Variants in TBL1X observed in about 807,000 individuals in gnomAD.
The protein encoded by TBL1X is F-box-like/WD repeat-containing protein TBL1X.
In TBL1X, 10 loss-of-function variants were observed where a neutral mutation model predicts 50.7. The observed-to-expected ratio is 0.20, with a 90% CI of 0.12 to 0.33. TBL1X has a LOEUF of 0.33. Ranked by LOEUF, TBL1X falls within the 10% of genes least tolerant of loss-of-function variation. TBL1X has a pLI of 1.00. For synonymous variants in TBL1X, 190 were observed against 214.7 expected (o/e 0.88, Z 1.01); for missense variants, 340 against 504.4 (o/e 0.67, Z 3.12).
intron 2 of TBL1X, among the ~76,000 whole-genome samples, chrX:9,595,508 A>G (rs1013007044): frequency 8.9e-6 from 1 of 112,137 alleles, no homozygotes; most frequent in Non-Finnish European, 1.9e-5. Context: ...GAGGGTTCAC[A>G]TAATAAATAA....
chrX:9,485,848 C>G (rs1248497164), intron 1 of TBL1X, among the ~76,000 whole-genome samples: 3 of 112,030 alleles, frequency 2.7e-5, no homozygotes, highest in Non-Finnish European at 3.8e-5. Flanking sequence ...ATCTAACAAG[C>G]CTTGGAGCAG....
chrX:9,686,815 G>A (rs946723073), intron 6 of TBL1X, among the ~76,000 whole-genome samples: 11 of 112,632 alleles, frequency 9.8e-5, no homozygotes, highest in Admixed American at 9.4e-5. Flanking sequence ...ACATATGAAG[G>A]AGGAAGGGGG....
intron 1 of TBL1X, among the ~76,000 whole-genome samples, chrX:9,481,256 T>C (rs1020429071): frequency 7.1e-5 from 8 of 112,467 alleles, no homozygotes; most frequent in African/African-American, 2.6e-4. Flanking sequence ...TTACATGGAC[T>C]GAAGTAATGG....
intron 5 of TBL1X, among the ~76,000 whole-genome samples, chrX:9,682,845 C>T (rs1370410931): frequency 1.8e-5 from 2 of 111,980 alleles, no homozygotes; most frequent in African/African-American, 6.5e-5. Context: ...TTTCCGAACT[C>T]CCTGCTTCCT....
intron 1 of TBL1X, 149 bp from the exon 2 acceptor site, chrX:9,501,631 G>A (rs971673343): frequency 1.8e-5 from 2 of 111,601 alleles, no homozygotes; most frequent in Non-Finnish European, 1.9e-5. Context: ...GGAATGCCCT[G>A]GGCTGAGTCT....
At chrX:9,506,500 T>C (rs993777389) in intron 2 of TBL1X, among the ~76,000 whole-genome samples, 4 of 111,288 alleles carry the variant, frequency 3.6e-5, no homozygotes, top group South Asian at 3.8e-4. Flanking sequence ...CAAAAAATCA[T>C]TGAATCCAGG....
At chrX:9,572,135 C>T (rs1438418931) in intron 2 of TBL1X, among the ~76,000 whole-genome samples, 1 of 112,152 alleles carries the variant, frequency 8.9e-6, no homozygotes, top group African/African-American at 3.2e-5. Context: ...CACAGCTTTC[C>T]TCATGTGCCC....
intron 2 of TBL1X, among the ~76,000 whole-genome samples, chrX:9,513,990 G>T (rs929345416): frequency 7.3e-5 from 8 of 109,737 alleles, no homozygotes; most frequent in African/African-American, 2.7e-4. Flanking sequence ...AGTACCAGGG[G>T]GAGGGCACCA....
At chrX:9,535,365 G>T (rs2082182628) in intron 2 of TBL1X, among the ~76,000 whole-genome samples, 1 of 112,570 alleles carries the variant, frequency 8.9e-6, no homozygotes, top group Non-Finnish European at 1.9e-5. Flanking sequence ...TGAAGAGTGT[G>T]TGTGGCTTGC....
At chrX:9,705,257 C>A in intron 13 of TBL1X, 143 bp downstream of exon 13, 1 of 1,008,850 alleles carries the variant, frequency 9.9e-7, no homozygotes, top group Non-Finnish European at 1.4e-6. Context: ...TCATGGTTAC[C>A]CCATGGTAAC....
Position 9,621,220 on chromosome X carries a change from C to T in TBL1X, c.-130-19053C>T, listed in dbSNP as rs184177914. Among the ~76,000 whole-genome samples the T allele has an allele frequency of 6.0e-3, 666 of 111,380 alleles. 7 individuals carry two copies. The highest frequency in any genetic ancestry group is 0.021 in the African/African-American group (629 of 30,565). ...GGGCTGGAGACATCTGGGATGTAGA[C>T]CTGGAGACTAGATTCGTTCACTGGA... On this transcript the variant is annotated intron_variant, in intron 2 of 17. Transcript: ENST00000645353.
intron 2 of TBL1X, among the ~76,000 whole-genome samples, chrX:9,551,670 GT>G (rs2082271852): frequency 9.0e-6 from 1 of 111,544 alleles, no homozygotes; most frequent in Admixed American, 9.5e-5. Context: ...GCCCATGGGT[GT>G]TTGGGGAAAC....
intron 13 of TBL1X, among the ~76,000 whole-genome samples, chrX:9,707,605 A>G (rs1436452165): frequency 8.9e-6 from 1 of 112,275 alleles, no homozygotes; most frequent in Non-Finnish European, 1.9e-5. Context: ...CCAGGAAGTT[A>G]TTTGTTCCTT....
At chrX:9,660,270 C>G (rs887942196) in intron 5 of TBL1X, among the ~76,000 whole-genome samples, 34 of 112,582 alleles carry the variant, frequency 3.0e-4, no homozygotes, top group African/African-American at 1.1e-3. Flanking sequence ...AACAGGCAGA[C>G]AAGTTAATAA....
chrX:9,630,805 GCCT>G (rs2082717225), intron 2 of TBL1X, among the ~76,000 whole-genome samples: 2 of 111,202 alleles, frequency 1.8e-5, no homozygotes, highest in Non-Finnish European at 3.8e-5. Context: ...CGAACTCCTG[GCCT>G]CAATCAGTCC....
At chrX:9,621,189 G>A (rs1358475970) in intron 2 of TBL1X, among the ~76,000 whole-genome samples, 2 of 111,519 alleles carry the variant, frequency 1.8e-5, no homozygotes, top group Non-Finnish European at 3.8e-5. Flanking sequence ...GAGCTATGGA[G>A]GTTGGGGGCT....
chrX:9,650,748 ACACT>A (rs950266914), intron 3 of TBL1X, among the ~76,000 whole-genome samples: 1 of 111,834 alleles, frequency 8.9e-6, no homozygotes, highest in African/African-American at 3.2e-5. Context: ...AATTTTTCAA[ACACT>A]CACTGGCTCA....
At chrX:9,674,481 C>T (rs1020366479) in intron 5 of TBL1X, among the ~76,000 whole-genome samples, 2 of 111,552 alleles carry the variant, frequency 1.8e-5, no homozygotes, top group African/African-American at 3.3e-5. Flanking sequence ...AGACTAGTCT[C>T]GAACTCCTGG....
At chrX:9,560,741 GTGTAGACA>G (rs1277370135) in intron 2 of TBL1X, among the ~76,000 whole-genome samples, 2 of 111,883 alleles carry the variant, frequency 1.8e-5, no homozygotes, top group Non-Finnish European at 3.8e-5. Flanking sequence ...CATGAAGCAG[GTGTAGACA>G]GATTGCGGGG....
Sources: allele counts gnomAD v4.1 joint callset (sites outside exome capture counted in the v4.1 genomes callset), GRCh38; gene constraint gnomAD v4.1.1; transcripts MANE v1.5; gene names NCBI Gene and HGNC (gene_info 2026-07-23, HGNC 2026-07-21).